The following MYCBP variants were observed in gnomAD, a reference collection of about 807,000 sequenced individuals.
MYCBP encodes the protein C-Myc-binding protein.
A neutral mutation model predicts 16.8 loss-of-function variants in MYCBP; 5 were observed. That is an observed-to-expected ratio of 0.30 (90% confidence interval 0.16 to 0.63). The LOEUF is 0.63. MYCBP is among the 20% of genes least tolerant of loss of function. The pLI is 0.83. For synonymous variants in MYCBP, 35 were observed against 43.7 expected, an observed-to-expected ratio of 0.80 and a Z score of 0.79; for missense variants, 103 against 121.8, an observed-to-expected ratio of 0.85 and a Z score of 0.73.
chr1:38,870,975 C>T (rs1201318107), intron 2 of MYCBP, among the ~76,000 whole-genome samples: 1 of 151,762 alleles, frequency 6.6e-6, no homozygotes, highest in African/African-American at 2.4e-5. Flanking sequence ...GGCGGTGGCT[C>T]ACACCTGTAA....
Position 38,873,084 on chromosome 1 carries a change from C to T in MYCBP, c.22G>A (p.Asp8Asn), listed in dbSNP as rs569680848. Residue 8 changes from aspartate to asparagine, a missense_variant, in exon 2 of 5, where the codon GAC becomes AAC. Coordinates refer to ENST00000397572, the MANE Select transcript of MYCBP (RefSeq NM_012333.5). MAHYKAA[D>N]SKREQFRRYL... Reference sequence around the variant, plus strand: ...CTCCGGAACTGCTCACGCTTCGAGTCGGCGGCCTGAAGAGACACCGGGGGT... The same window carrying T: ...CTCCGGAACTGCTCACGCTTCGAGTTGGCGGCCTGAAGAGACACCGGGGGT... 1.9e-6 allele frequency: 3 copies of T among 1,560,860 alleles called. No homozygotes were observed. Among genetic ancestry groups the T allele is most frequent in the African/African-American group, 1.4e-5 (1 of 73,396 alleles).
rs1285614371 is a variant in MYCBP at position 38,863,407 on chromosome 1, A to G, written c.*1263T>C. 1 of 152,260 alleles carries G rather than the reference A, an allele frequency of 6.6e-6. No individual in the cohort carries two copies. The highest frequency in any genetic ancestry group is 1.9e-4 in the East Asian group (1 of 5,200). The allele number at this position is 152,260 out of a possible 1,614,324, so 9.4% of individuals were successfully genotyped here. ...ATATGAAATAGGAATATGTCTATAA[A>G]ACGACAGTCTACCAGTAAGGAAAAT... On this transcript the variant is annotated 3_prime_UTR_variant, in exon 5 of 5. Coordinates refer to ENST00000397572, the MANE Select transcript of MYCBP (RefSeq NM_012333.5).
At position 38,863,717 on chromosome 1, in the gene MYCBP, C is replaced by A. The variant is rs1334540997; in HGVS notation, c.*953G>T. On this transcript the variant is annotated 3_prime_UTR_variant, in exon 5 of 5. Coordinates refer to ENST00000397572, the MANE Select transcript of MYCBP (RefSeq NM_012333.5). Reference sequence around the variant, plus strand: ...GCCTAAAAATTCAGCACCCCTCTTCCCCTTATACTTGTCCCACCTACTTCA... The same window carrying A: ...GCCTAAAAATTCAGCACCCCTCTTCACCTTATACTTGTCCCACCTACTTCA... The A allele has an allele frequency of 3.3e-5, 5 of 152,590 alleles. No homozygotes were observed. Among genetic ancestry groups the A allele is most frequent in the Non-Finnish European group, 7.4e-5 (5 of 68,020 alleles). The allele number at this position is 152,590 out of a possible 1,614,324, so 9.5% of individuals were successfully genotyped here. A position where few individuals can be genotyped will look rare whatever the true frequency, so the allele number is the denominator to read the frequency against.
At position 38,867,617 on chromosome 1, in the gene MYCBP, A is replaced by G; in HGVS notation, c.89-7T>C. 6.2e-7 allele frequency: 1 copy of G among 1,613,302 alleles called. No individual in the cohort carries two copies. On this transcript the variant is annotated splice_polypyrimidine_tract_variant and splice_region_variant and intron_variant, in intron 2 of 4. Coordinates refer to ENST00000397572, the MANE Select transcript of MYCBP (RefSeq NM_012333.5). ...TCATATAAGGCTACCAACACTGCAA[A>G]TCAAAAAGCAGAAAAAGCAACAATT... is the stretch of plus-strand genomic sequence containing the variant.
chr1:38,870,082 A>C (rs1642427980), intron 2 of MYCBP, among the ~76,000 whole-genome samples: 1 of 148,550 alleles, frequency 6.7e-6, no homozygotes, highest in African/African-American at 2.5e-5. Flanking sequence ...AGGCAGGAGA[A>C]TGGTGTGAAC....
At chr1:38,871,060 T>C (rs1050229140) in intron 2 of MYCBP, among the ~76,000 whole-genome samples, 23 of 152,090 alleles carry the variant, frequency 1.5e-4, no homozygotes, top group South Asian at 4.2e-4. Context: ...GCCCATGTGG[T>C]GAAACCGCCT....
Position 38,864,720 on chromosome 1 carries a change from G to T in MYCBP, c.268-6C>A, listed in dbSNP as rs1333978920. On this transcript the variant is annotated splice_region_variant and splice_polypyrimidine_tract_variant and intron_variant, in intron 4 of 4. Transcript: ENST00000397572. The stretch of plus-strand genomic sequence containing the variant: ...GGTGGTTCATACTGAGCAAGCTATG[G>T]GGCAAAGACAGAGGAATTTAGGTGA... 1 of 1,613,304 alleles carries T rather than the reference G, an allele frequency of 6.2e-7. No individual in the cohort carries two copies. Among genetic ancestry groups the T allele is most frequent in the Admixed American group, 1.7e-5 (1 of 59,980 alleles).
chr1:38,866,832 T>G, intron 4 of MYCBP, 48 bp downstream of exon 4: 1 of 1,368,676 alleles, frequency 7.3e-7, no homozygotes, highest in Non-Finnish European at 9.9e-7. Context: ...CATCATACAA[T>G]TATTACAGGT....
chr1:38,873,186 G>T lies in MYCBP; in HGVS notation c.16-96C>A, dbSNP rs565712875. 3.3e-4 allele frequency: 513 copies of T among 1,558,664 alleles called. 4 individuals carry two copies. In the African/African-American group the frequency reaches 6.2e-3, roughly 19 times the overall value. On this transcript the variant is annotated intron_variant, in intron 1 of 4. Coordinates refer to ENST00000397572, the MANE Select transcript of MYCBP (RefSeq NM_012333.5). ...AACCCCGCCTCCGCCTCACTACCTC[G>T]GGGCCCTCCCGCCCAAACCTGCGCG...
intron 4 of MYCBP, among the ~76,000 whole-genome samples, 180 bp from the exon 5 acceptor site, chr1:38,864,894 A>G (rs1302171867): frequency 6.6e-6 from 1 of 152,222 alleles, no homozygotes; most frequent in Non-Finnish European, 1.5e-5. Flanking sequence ...ATCAAATCTA[A>G]TGAAAGCCCT....
Position 38,864,472 on chromosome 1 carries a change from G to T in MYCBP, c.*198C>A. On this transcript the variant is annotated 3_prime_UTR_variant, in exon 5 of 5. Coordinates refer to ENST00000397572, the MANE Select transcript of MYCBP (RefSeq NM_012333.5). ...TAGGTTTTGTTCAGGATTTACTTTG[G>T]ATTCTCCTGCTTTAAGACCCAAAGA... 1 of 607,080 alleles carries T rather than the reference G, an allele frequency of 1.6e-6. No individual in the cohort carries two copies. 37.6% of individuals were successfully genotyped at this position (607,080 alleles called of 1,614,324 possible).
At chr1:38,868,602 T>C (rs1020216197) in intron 2 of MYCBP, among the ~76,000 whole-genome samples, 1 of 151,966 alleles carries the variant, frequency 6.6e-6, no homozygotes, top group African/African-American at 2.4e-5. Context: ...GCAAAAAAAG[T>C]AAACACACAC....
At chr1:38,872,153 G>C (rs1161028639) in intron 2 of MYCBP, among the ~76,000 whole-genome samples, 1 of 152,204 alleles carries the variant, frequency 6.6e-6, no homozygotes, top group Non-Finnish European at 1.5e-5. Context: ...CCAAAGGGCA[G>C]TTACCAATTT....
intron 4 of MYCBP, 142 bp downstream of exon 4, chr1:38,866,738 G>C: frequency 1.4e-6 from 1 of 722,660 alleles, no homozygotes; most frequent in Non-Finnish European, 2.2e-6. Flanking sequence ...TCTTGACAGG[G>C]CATAACTTTG....
chr1:38,873,006 G>A lies in MYCBP; in HGVS notation c.88+12C>T, dbSNP rs1427130728. 1 of 1,569,038 alleles carries A rather than the reference G, an allele frequency of 6.4e-7. No homozygotes were observed. ...CGAGGGCACGAGGTACCCTCTCCTA[G>A]CCCAGGCTCACCCTTGGTCAGCGTG... is the stretch of plus-strand genomic sequence containing the variant. On this transcript the variant is annotated intron_variant, in intron 2 of 4. Coordinates refer to ENST00000397572, the MANE Select transcript of MYCBP (RefSeq NM_012333.5).
chr1:38,872,396 C>G (rs1642483428), intron 2 of MYCBP, among the ~76,000 whole-genome samples: 1 of 152,200 alleles, frequency 6.6e-6, no homozygotes, highest in South Asian at 2.1e-4. Context: ...AGAGATACAG[C>G]GTTAACAGTA....
chr1:38,862,847 A>G lies in MYCBP; in HGVS notation c.*1823T>C, dbSNP rs746605031. 1.2e-4 allele frequency: 19 copies of G among 152,346 alleles called. No individual in the cohort carries two copies. Among genetic ancestry groups the G allele is most frequent in the South Asian group, 4.1e-4 (2 of 4,830 alleles). 9.4% of individuals were successfully genotyped at this position (152,346 alleles called of 1,614,324 possible). A position where few individuals can be genotyped will look rare whatever the true frequency, so the allele number is the denominator to read the frequency against. On this transcript the variant is annotated 3_prime_UTR_variant, in exon 5 of 5. Coordinates refer to ENST00000397572, the MANE Select transcript of MYCBP (RefSeq NM_012333.5). ...AGTCACAGTCACCTGGCTTACTGAC[A>G]TAAATATTAATACTAATCAAATGAG...
chr1:38,869,250 G>A (rs1230623021), intron 2 of MYCBP, among the ~76,000 whole-genome samples: 1 of 151,852 alleles, frequency 6.6e-6, no homozygotes, highest in Non-Finnish European at 1.5e-5. Flanking sequence ...CACCATGCCC[G>A]GCTAATTTTG....
chr1:38,869,094 G>GTT (rs542711813), intron 2 of MYCBP, among the ~76,000 whole-genome samples: 2 of 126,702 alleles, frequency 1.6e-5, no homozygotes, highest in African/African-American at 2.9e-5. Flanking sequence ...TTTTTTTTTT[G>GTT]TTTTTTTTTT....
Sources: allele counts gnomAD v4.1 joint callset (sites outside exome capture counted in the v4.1 genomes callset), GRCh38; gene constraint gnomAD v4.1.1; transcripts MANE v1.5; gene names NCBI Gene and HGNC (gene_info 2026-07-23, HGNC 2026-07-21).